The following SEL1L variants were observed in gnomAD, a reference collection of about 807,000 sequenced individuals.
The protein encoded by SEL1L is SEL1L adaptor subunit of SYVN1 ubiquitin ligase, also known as protein sel-1 homolog 1.
In SEL1L, 52 loss-of-function variants were observed where a neutral mutation model predicts 109.8. That is an observed-to-expected ratio of 0.47 (90% CI 0.38 to 0.60). The LOEUF (loss-of-function observed/expected upper bound fraction) is 0.60. SEL1L is among the 20% of genes least tolerant of loss of function. The pLI is 0.00. For missense variants in SEL1L, 749 were observed against 962.2 expected (o/e 0.78, Z 2.93); for synonymous variants, 373 against 339.6 (o/e 1.10, Z -1.08).
chr14:81,522,350 C>A (rs113716861), intron 3 of SEL1L, among the ~76,000 whole-genome samples: 8 of 152,320 alleles, frequency 5.3e-5, no homozygotes, highest in African/African-American at 1.9e-4. Flanking sequence ...AACTTCCAGT[C>A]CTGCAAGTTC....
rs2140024905 is a variant in SEL1L, at chr14:81,506,143, C to T, written c.439G>A (p.Glu147Lys). ...EYDECTSDGR[E>K]DGRLWCATTY... ...GTAGCACACCACAGTCTGCCATCTT[C>T]CCTCCCATCTGATGTACATTCATCA... The change falls in exon 4 of 21, where the codon GAA (glutamate) becomes AAA (lysine). Residue 147 changes from glutamate (E) to lysine (K), a missense_variant. Physicochemically the swap from Glu to Lys is moderately conservative, Grantham distance 56. Transcript: ENST00000336735. 1 of 1,614,062 alleles carries T rather than the reference C, an allele frequency of 6.2e-7. No homozygotes were observed.
At chr14:81,494,401 G>C (rs998314849) in intron 11 of SEL1L, among the ~76,000 whole-genome samples, 11 of 152,076 alleles carry the variant, frequency 7.2e-5, no homozygotes, top group African/African-American at 2.7e-4. Flanking sequence ...TTTATTCTTG[G>C]GGTCTTCTAA....
At chr14:81,492,064 C>T (rs1883558948) in intron 12 of SEL1L, among the ~76,000 whole-genome samples, 1 of 152,018 alleles carries the variant, frequency 6.6e-6, no homozygotes, top group Non-Finnish European at 1.5e-5. Flanking sequence ...GCTCTGTCGC[C>T]CAGGCTGGAG....
chr14:81,490,466 C>G lies in SEL1L; in HGVS notation c.1255-1G>C. ...CAATGTCACTTCCTTCCGAATACATCTGGAAAACAGATCCCAATTTCAGTA... is the reference window on the plus strand; with the variant it reads ...CAATGTCACTTCCTTCCGAATACATGTGGAAAACAGATCCCAATTTCAGTA... On this transcript the variant is annotated splice_acceptor_variant, in intron 12 of 20. Transcript: ENST00000336735. LOFTEE classifies it high-confidence loss of function. 1 of 1,611,466 alleles carries G rather than the reference C, an allele frequency of 6.2e-7. No homozygotes were observed. Among genetic ancestry groups the G allele is most frequent in the Non-Finnish European group, 8.5e-7 (1 of 1,177,654 alleles).
Position 81,485,676 on chromosome 14 carries a change from A to G in SEL1L, c.1869T>C (p.Ser623=). The change falls in exon 18 of 21, where the codon TCT becomes TCC. Residue 623 remains serine, a synonymous_variant. Coordinates refer to ENST00000336735, the MANE Select transcript of SEL1L (RefSeq NM_005065.6). ...RALLHWNRAA[S]QGYTVARIKL... is the part of the protein sequence containing the mutation. ...ATCTTAGAATTAATCACTTACCTTG[A>G]GAGGCGGCCCTGTTCCAATGTAGCA... 6.2e-7 allele frequency: 1 copy of G among 1,613,570 alleles called. No homozygotes were observed. The highest frequency in any genetic ancestry group is 1.1e-5 in the South Asian group (1 of 91,082).
chr14:81,503,325 T>A (rs1566977632), intron 5 of SEL1L, among the ~76,000 whole-genome samples: 2 of 152,184 alleles, frequency 1.3e-5, no homozygotes, highest in African/African-American at 4.8e-5. Context: ...CTTATACATG[T>A]AAAAAACATC....
At chr14:81,494,205 C>T (rs1883650727) in intron 11 of SEL1L, among the ~76,000 whole-genome samples, 2 of 152,144 alleles carry the variant, frequency 1.3e-5, no homozygotes, top group South Asian at 2.1e-4. Context: ...ATGGCAATAC[C>T]ATCTTACTGG....
At chr14:81,531,585 G>A (rs937748303) in intron 1 of SEL1L, among the ~76,000 whole-genome samples, 3 of 151,116 alleles carry the variant, frequency 2.0e-5, no homozygotes, top group Admixed American at 6.6e-5. Context: ...ACAGGGTCTC[G>A]CTCTATTGTC....
chr14:81,531,552 G>GT lies in SEL1L; in HGVS notation c.70+2122dup, dbSNP rs890207194. 2.2e-4 allele frequency among the ~76,000 whole-genome samples: 31 copies of GT among 144,026 alleles called. 1 individual carries two copies. The highest frequency in any genetic ancestry group is 7.0e-4 in the Admixed American group (10 of 14,332). The allele number at this position is 144,026 out of a possible 152,430, so 94.5% of individuals were successfully genotyped here. A position where few individuals can be genotyped will look rare whatever the true frequency, so the allele number is the denominator to read the frequency against. On this transcript the variant is annotated intron_variant, in intron 1 of 20. Transcript: ENST00000336735. ...ACACAACTTTATTTAACACAGGGTT[G>GT]TTTTTTTTTCTTTTTTTTTGAGACA...
rs1903187071 is a variant in SEL1L at position 81,477,153 on chromosome 14, A to G, written c.2204T>C (p.Met735Thr). 3 of 1,614,194 alleles carry G rather than the reference A, an allele frequency of 1.9e-6. No individual in the cohort carries two copies. Among genetic ancestry groups the G allele is most frequent in the African/African-American group, 1.3e-5 (1 of 75,056 alleles). Residue 735 changes from methionine to threonine, a missense_variant, in exon 21 of 21, where the codon ATG becomes ACG. Physicochemically the swap from Met to Thr is moderately conservative, Grantham distance 81. Around this residue, in one of 2 missense-constraint regions of SEL1L, gnomAD observed 383 missense variants for 562.5 expected, o/e 0.68. Coordinates refer to ENST00000336735, the MANE Select transcript of SEL1L (RefSeq NM_005065.6). ...NIRDMFTQLD[M>T]DQLLGPEWDL... Reference sequence around the variant, plus strand: ...CCACTCAGGTCCCAAAAGCTGGTCCATATCAAGTTGGGTGAACATATCTCG... The same window carrying G: ...CCACTCAGGTCCCAAAAGCTGGTCCGTATCAAGTTGGGTGAACATATCTCG...
chr14:81,494,177 G>T (rs1883649686), intron 11 of SEL1L, among the ~76,000 whole-genome samples: 2 of 152,080 alleles, frequency 1.3e-5, no homozygotes, highest in Admixed American at 1.3e-4. Context: ...TTCTCCTCCA[G>T]CAACTCAATT....
At chr14:81,497,819 G>T in intron 10 of SEL1L, 73 bp downstream of exon 10, 1 of 1,366,914 alleles carries the variant, frequency 7.3e-7, no homozygotes. Flanking sequence ...AGATATAAGT[G>T]CTTGCTCCCG....
Position 81,528,952 on chromosome 14 carries a change from T to C in SEL1L, c.71-1214A>G, listed in dbSNP as rs190702442. Among the ~76,000 whole-genome samples the C allele has an allele frequency of 3.8e-3, 584 of 152,272 alleles. 2 individuals carry two copies. The highest frequency in any genetic ancestry group is 5.9e-3 in the Non-Finnish European group (404 of 67,966). On this transcript the variant is annotated intron_variant, in intron 1 of 20. Coordinates refer to ENST00000336735, the MANE Select transcript of SEL1L (RefSeq NM_005065.6). Reference sequence around the variant, plus strand: ...CAAAATACAAGACACTACCTCACAATATTTCTTTCGAATATTTGAGGAAAC... The same window carrying C: ...CAAAATACAAGACACTACCTCACAACATTTCTTTCGAATATTTGAGGAAAC...
intron 16 of SEL1L, among the ~76,000 whole-genome samples, chr14:81,486,989 GAGAT>G (rs1903541992): frequency 7.0e-6 from 1 of 142,932 alleles, no homozygotes; most frequent in African/African-American, 2.7e-5. Flanking sequence ...TTTTTTTTAA[GAGAT>G]AGGTTCTTTC....
intron 1 of SEL1L, among the ~76,000 whole-genome samples, chr14:81,530,115 A>G (rs1256472690): frequency 6.6e-6 from 1 of 152,250 alleles, no homozygotes; most frequent in Non-Finnish European, 1.5e-5. Context: ...TTTCAGGGAA[A>G]AGTGATCACT....
chr14:81,484,136 T>A, intron 19 of SEL1L, 89 bp downstream of exon 19: 1 of 1,358,188 alleles, frequency 7.4e-7, no homozygotes, highest in Non-Finnish European at 1.0e-6. Context: ...TCCAACTGAA[T>A]GTCAAGGAAA....
intron 9 of SEL1L, 134 bp from the exon 10 acceptor site, chr14:81,498,180 T>C (rs1883851786): frequency 6.3e-6 from 6 of 947,286 alleles, no homozygotes; most frequent in Non-Finnish European, 9.2e-6. Context: ...GTAGTCTATA[T>C]AGATCGCAAA....
intron 1 of SEL1L, among the ~76,000 whole-genome samples, chr14:81,532,827 T>G (rs888549877): frequency 2.0e-5 from 3 of 152,180 alleles, no homozygotes; most frequent in Non-Finnish European, 4.4e-5. Flanking sequence ...TGAAACTGAT[T>G]AAAATTCCAA....
At chr14:81,510,906 C>T (rs532422867) in intron 3 of SEL1L, among the ~76,000 whole-genome samples, 7 of 152,184 alleles carry the variant, frequency 4.6e-5, no homozygotes, top group Middle Eastern at 3.4e-3. Context: ...ACCAAGCAAA[C>T]GATTGTCACC....
Sources: allele counts gnomAD v4.1 joint callset (sites outside exome capture counted in the v4.1 genomes callset), GRCh38; gene constraint gnomAD v4.1.1; regional missense constraint gnomAD v4.1.1; transcripts MANE v1.5; gene names NCBI Gene and HGNC (gene_info 2026-07-23, HGNC 2026-07-21).